The following SERPINE2 variants were observed in gnomAD, a reference collection of about 807,000 sequenced individuals.
The protein encoded by SERPINE2 is glia-derived nexin.
In SERPINE2, 14 loss-of-function variants were observed where a neutral mutation model predicts 36.3. That is an observed-to-expected ratio of 0.39 (90% CI 0.25 to 0.60). The LOEUF (loss-of-function observed/expected upper bound fraction) is 0.60. SERPINE2 is among the 20% of genes least tolerant of loss of function. The pLI, the probability that SERPINE2 is intolerant of heterozygous loss-of-function variation, is 0.57. For missense variants in SERPINE2, 418 were observed against 499.6 expected, an observed-to-expected ratio of 0.84 and a Z score of 1.56; for synonymous variants, 192 against 191.8, an observed-to-expected ratio of 1.00 and a Z score of -0.01.
In SERPINE2 at chr2:224,006,693, G is replaced by A. The variant is rs370668251; in HGVS notation, c.-22-4771C>T. On this transcript the variant is annotated intron_variant, in intron 1 of 8. Transcript: ENST00000409304. ...CACAAAATCAGAGGTTGACCCGTGGGACTAATCCAGCAAGTGTTTGATGTG... is the reference window on the plus strand; with the variant it reads ...CACAAAATCAGAGGTTGACCCGTGGAACTAATCCAGCAAGTGTTTGATGTG... Among the ~76,000 whole-genome samples the A allele has an allele frequency of 5.8e-4, 89 of 152,272 alleles. No homozygotes were observed. The East Asian group carries it at 0.013, about 23-fold the overall frequency.
chr2:223,985,460 C>T (rs190826815), intron 4 of SERPINE2, among the ~76,000 whole-genome samples: 4 of 152,180 alleles, frequency 2.6e-5, no homozygotes, highest in East Asian at 3.9e-4. Flanking sequence ...GGGACAAGAG[C>T]GGCTAAAATT....
At chr2:223,994,483 T>C (rs566529847) in intron 3 of SERPINE2, among the ~76,000 whole-genome samples, 1 of 152,294 alleles carries the variant, frequency 6.6e-6, no homozygotes, top group East Asian at 1.9e-4. Flanking sequence ...CGTCCGTCCA[T>C]CCATCCATCC....
At chr2:224,028,073 G>A (rs529916379) in intron 1 of SERPINE2, among the ~76,000 whole-genome samples, 1 of 152,328 alleles carries the variant, frequency 6.6e-6, no homozygotes, top group South Asian at 2.1e-4. Flanking sequence ...GAGCCACCAA[G>A]TTATGTGGGC....
chr2:224,005,254 A>G (rs934904127), intron 1 of SERPINE2, among the ~76,000 whole-genome samples: 2 of 151,654 alleles, frequency 1.3e-5, no homozygotes, highest in African/African-American at 4.9e-5. Context: ...CAGTTTTCCT[A>G]TGACACGGAA....
At chr2:224,006,999 C>T (rs1691449875) in intron 1 of SERPINE2, among the ~76,000 whole-genome samples, 1 of 152,194 alleles carries the variant, frequency 6.6e-6, no homozygotes, top group Non-Finnish European at 1.5e-5. Context: ...TGACGAGACC[C>T]CTTAGCCTGG....
intron 1 of SERPINE2, among the ~76,000 whole-genome samples, chr2:224,020,220 T>G (rs1691950629): frequency 6.6e-6 from 1 of 152,186 alleles, no homozygotes; most frequent in Non-Finnish European, 1.5e-5. Flanking sequence ...CTGTCTACCC[T>G]GAGAGACTCA....
chr2:224,032,344 G>A (rs1362865287), intron 1 of SERPINE2, among the ~76,000 whole-genome samples: 2 of 152,056 alleles, frequency 1.3e-5, no homozygotes, highest in Non-Finnish European at 2.9e-5. Flanking sequence ...TAAAAACTTA[G>A]GATAAAAACA....
Position 223,980,353 on chromosome 2 carries a change from T to G in SERPINE2, c.1030A>C (p.Ile344Leu). ...HVSHILQKAKIEVSEDGTKAS... is the reference protein window; with the variant it reads ...HVSHILQKAKLEVSEDGTKAS... Reference sequence around the variant, plus strand: ...TTGGTTCCATCTTCACTGACTTCAATTTTTGCTTTTTGCAAGATATGAGAA... The same window carrying G: ...TTGGTTCCATCTTCACTGACTTCAAGTTTTGCTTTTTGCAAGATATGAGAA... The change falls in exon 7 of 9, where the codon ATT (isoleucine) becomes CTT (leucine). Residue 344 changes from isoleucine (I) to leucine (L), a missense_variant. Ile to Leu is a conservative substitution (Grantham distance 5, BLOSUM62 2). Coordinates refer to ENST00000409304, the MANE Select transcript of SERPINE2 (RefSeq NM_001136528.2). The G allele has an allele frequency of 5.6e-6, 9 of 1,614,176 alleles. No homozygotes were observed. The highest frequency in any genetic ancestry group is 6.8e-6 in the Non-Finnish European group (8 of 1,179,984).
intron 8 of SERPINE2, among the ~76,000 whole-genome samples, chr2:223,976,784 T>C (rs1408919748): frequency 6.6e-6 from 1 of 152,236 alleles, no homozygotes; most frequent in East Asian, 1.9e-4. Flanking sequence ...AGCAAAAATC[T>C]ACTGTATTAA....
intron 1 of SERPINE2, among the ~76,000 whole-genome samples, chr2:224,031,770 C>T (rs1242900217): frequency 6.7e-6 from 1 of 149,620 alleles, no homozygotes; most frequent in African/African-American, 2.5e-5. Context: ...CCCCCCCCGC[C>T]GGCTGGAACT....
intron 3 of SERPINE2, among the ~76,000 whole-genome samples, chr2:223,992,723 GTTAA>G (rs1690724788): frequency 1.3e-5 from 2 of 152,190 alleles, no homozygotes; most frequent in African/African-American, 4.8e-5. Context: ...TAACTGAAAT[GTTAA>G]TTACTCTAAT....
At chr2:224,037,599 A>G (rs1692576209) in intron 1 of SERPINE2, among the ~76,000 whole-genome samples, 1 of 152,194 alleles carries the variant, frequency 6.6e-6, no homozygotes, top group East Asian at 1.9e-4. Flanking sequence ...TGGGAAAAGA[A>G]CTGGCTGGAA....
intron 2 of SERPINE2, among the ~76,000 whole-genome samples, chr2:224,000,193 C>T (rs933500020): frequency 1.1e-4 from 17 of 152,134 alleles, no homozygotes; most frequent in Non-Finnish European, 4.4e-5. Context: ...TGGAAGAACA[C>T]GGGCAGGAAG....
intron 1 of SERPINE2, among the ~76,000 whole-genome samples, chr2:224,020,093 C>T (rs983319623): frequency 9.8e-5 from 15 of 152,296 alleles, no homozygotes; most frequent in African/African-American, 2.2e-4. Context: ...TTGTCTGAAT[C>T]ACACAAGTAA....
At chr2:224,010,851 A>C (rs1691601208) in intron 1 of SERPINE2, among the ~76,000 whole-genome samples, 1 of 152,226 alleles carries the variant, frequency 6.6e-6, no homozygotes, top group South Asian at 2.1e-4. Context: ...TCTGATTTGT[A>C]TTTCAGCAAC....
chr2:223,984,927 A>T lies in SERPINE2; in HGVS notation c.709T>A (p.Leu237Ile). The T allele has an allele frequency of 6.2e-7, 1 of 1,614,102 alleles. No individual in the cohort carries two copies. Among genetic ancestry groups the T allele is most frequent in the Non-Finnish European group, 8.5e-7 (1 of 1,180,010 alleles). ...RCGSTSAPND[L>I]WYNFIELPYH... ...GGCAGTTCAATGAAGTTGTACCATAAATCATTGGGGGCACTTGTCGACCCT... is the reference window on the plus strand; with the variant it reads ...GGCAGTTCAATGAAGTTGTACCATATATCATTGGGGGCACTTGTCGACCCT... Residue 237 changes from leucine (L) to isoleucine (I), a missense_variant, in exon 5 of 9, where the codon TTA becomes ATA. Physicochemically the swap from Leu to Ile is conservative, Grantham distance 5. Coordinates refer to ENST00000409304, the MANE Select transcript of SERPINE2 (RefSeq NM_001136528.2).
rs764641421 is a variant in SERPINE2 at position 223,991,841 on chromosome 2, T to C, written c.647A>G (p.Gln216Arg). The C allele has an allele frequency of 1.9e-6, 3 of 1,613,620 alleles. No individual in the cohort carries two copies. The highest frequency in any genetic ancestry group is 2.5e-6 in the Non-Finnish European group (3 of 1,179,918). ...TFVAADGKSY[Q>R]VPMLAQLSVF... The stretch of plus-strand genomic sequence containing the variant: ...GGAGAGCTGGGCCAGCATTGGCACT[T>C]GATAGGATTTCCCGTCGGCTGCCAC... Residue 216 changes from glutamine (Q) to arginine (R), a missense_variant, in exon 4 of 9, where the codon CAA becomes CGA. Transcript: ENST00000409304.
intron 1 of SERPINE2, among the ~76,000 whole-genome samples, chr2:224,005,098 A>ATATATATATATATATATAT (rs1559209284): frequency 6.0e-5 from 7 of 115,722 alleles, no homozygotes; most frequent in African/African-American, 1.6e-4. Flanking sequence ...TATATATATA[A>ATATATATATATATATATAT]AACATTGTAA....
intron 1 of SERPINE2, among the ~76,000 whole-genome samples, chr2:224,026,707 C>G (rs1692198749): frequency 6.6e-6 from 1 of 152,188 alleles, no homozygotes; most frequent in African/African-American, 2.4e-5. Context: ...GTGACATACT[C>G]AGAAATTGCT....
Sources: gnomAD v4.1 joint callset for allele counts (sites outside exome capture counted in the v4.1 genomes callset) on GRCh38, gnomAD v4.1.1 for gene constraint, MANE v1.5 for transcripts, NCBI Gene and HGNC (gene_info 2026-07-23, HGNC 2026-07-21) for gene names.